The following POU6F2 variants were observed in gnomAD, a reference collection of about 807,000 sequenced individuals.
POU6F2 encodes POU domain, class 6, transcription factor 2.
POU6F2 carries 31 observed loss-of-function variants against 71.3 expected under a neutral mutation model. The ratio of observed to expected loss-of-function variants is 0.43; its 90% confidence interval spans 0.33 to 0.59. The LOEUF (loss-of-function observed/expected upper bound fraction) is 0.59, where lower values mean the gene tolerates loss of function less well. Ranked by LOEUF, POU6F2 falls within the 20% of genes least tolerant of loss-of-function variation. The pLI is 0.04. For missense variants in POU6F2, 783 were observed against 856.8 expected, an observed-to-expected ratio of 0.91 and a Z score of 1.07; for synonymous variants, 347 against 355.7, an observed-to-expected ratio of 0.98 and a Z score of 0.27.
chr7:39,094,962 T>G (rs1397752697), intron 2 of POU6F2, among the ~76,000 whole-genome samples: 1 of 152,240 alleles, frequency 6.6e-6, no homozygotes, highest in East Asian at 1.9e-4. Context: ...TCCCAAAATA[T>G]TGCAAAATAG....
chr7:39,076,860 ATGTTG>A (rs1791013015), intron 1 of POU6F2, among the ~76,000 whole-genome samples: 1 of 111,928 alleles, frequency 8.9e-6, no homozygotes, highest in Non-Finnish European at 1.7e-5. Context: ...AAGGTTGCAA[ATGTTG>A]AGATACACAC....
chr7:39,032,902 T>C (rs1351406022), intron 1 of POU6F2, among the ~76,000 whole-genome samples: 1 of 152,202 alleles, frequency 6.6e-6, no homozygotes, highest in African/African-American at 2.4e-5. Context: ...CTAAATTCTT[T>C]AGCGAGGATT....
rs1462760567 is a variant in POU6F2, at chr7:39,085,890, C to A, written c.136C>A (p.Pro46Thr). The change falls in exon 2 of 10, where the codon CCC becomes ACC. Residue 46 changes from proline (P) to threonine (T), a missense_variant. Coordinates refer to ENST00000518318, the MANE Select transcript of POU6F2 (RefSeq NM_001370959.1). The part of the protein sequence containing the change: ...DPMIAGQVSK[P>T]LLSVRSEMNA... ...AATGATAGCTGGACAAGTCAGTAAG[C>A]CCTTGCTGTCAGTGCGGAGTGAAAT... 6.2e-7 allele frequency: 1 copy of A among 1,613,428 alleles called. No homozygotes were observed. The highest frequency in any genetic ancestry group is 1.3e-5 in the African/African-American group (1 of 74,848).
chr7:39,059,002 G>A (rs1527950), intron 1 of POU6F2, among the ~76,000 whole-genome samples: 34,467 of 151,900 alleles, frequency 0.23, 4,078 homozygotes, highest in South Asian at 0.37. Context: ...CAAAGACTTG[G>A]GAAAATAAAA....
At chr7:39,103,012 A>T (rs981241083) in intron 2 of POU6F2, among the ~76,000 whole-genome samples, 6 of 147,186 alleles carry the variant, frequency 4.1e-5, no homozygotes, top group African/African-American at 1.5e-4. Flanking sequence ...TGTGGTGTAA[A>T]CTGTATATAT....
At chr7:39,391,202 C>A (rs557627723) in intron 5 of POU6F2, among the ~76,000 whole-genome samples, 1 of 152,188 alleles carries the variant, frequency 6.6e-6, no homozygotes, top group African/African-American at 2.4e-5. Context: ...CCTCTGATGA[C>A]TATCTTGGTC....
At chr7:39,070,279 A>G (rs1584527204) in intron 1 of POU6F2, among the ~76,000 whole-genome samples, 1 of 152,206 alleles carries the variant, frequency 6.6e-6, no homozygotes, top group East Asian at 1.9e-4. Flanking sequence ...CCCTAGTTCT[A>G]TGAGAATAAC....
chr7:39,127,936 G>A (rs540536904), intron 2 of POU6F2, among the ~76,000 whole-genome samples: 5 of 143,942 alleles, frequency 3.5e-5, no homozygotes, highest in Admixed American at 3.0e-4. Flanking sequence ...TCTGCCTCCC[G>A]GGTTCACGGC....
At chr7:39,011,175 C>A (rs892036612) in intron 1 of POU6F2, among the ~76,000 whole-genome samples, 9 of 138,776 alleles carry the variant, frequency 6.5e-5, no homozygotes, top group African/African-American at 2.4e-4. Flanking sequence ...CTTTGTAGGT[C>A]ACTCAGGACT....
intron 4 of POU6F2, among the ~76,000 whole-genome samples, chr7:39,232,862 G>T (rs898804737): frequency 1.3e-5 from 2 of 152,154 alleles, no homozygotes; most frequent in East Asian, 3.9e-4. Context: ...TTAAACTAAG[G>T]ACTTGCCCAT....
chr7:38,990,841 T>C (rs1230311192), intron 1 of POU6F2, among the ~76,000 whole-genome samples: 1 of 151,990 alleles, frequency 6.6e-6, no homozygotes, highest in African/African-American at 2.4e-5. Context: ...ATGCGGGAAA[T>C]TGGGTTGAAT....
intron 4 of POU6F2, among the ~76,000 whole-genome samples, chr7:39,250,701 G>A (rs1214074949): frequency 1.3e-5 from 2 of 152,098 alleles, no homozygotes; most frequent in Non-Finnish European, 2.9e-5. Context: ...CTTAGCCACC[G>A]CTACTCTGCT....
intron 1 of POU6F2, among the ~76,000 whole-genome samples, chr7:39,031,765 C>T (rs995276861): frequency 6.6e-6 from 1 of 151,992 alleles, no homozygotes; most frequent in African/African-American, 2.4e-5. Context: ...TCTGTAGTCC[C>T]AGCTACTTGG....
rs976334321 is a variant in POU6F2, at chr7:39,404,431, G to A, written c.973-2169G>A. ...GAATTTTTGATCAACATAGATGTTA[G>A]GGAAATGCCTTGCAATTAATAAAAA... On this transcript the variant is annotated intron_variant, in intron 5 of 9. Coordinates refer to ENST00000518318, the MANE Select transcript of POU6F2 (RefSeq NM_001370959.1). 7.9e-5 allele frequency among the ~76,000 whole-genome samples: 12 copies of A among 152,220 alleles called. 1 individual carries two copies. The South Asian group carries it at 8.3e-4, about 11-fold the overall frequency.
intron 1 of POU6F2, among the ~76,000 whole-genome samples, chr7:39,063,092 A>ATATAAAGG (rs1357630548): frequency 6.6e-6 from 1 of 152,296 alleles, no homozygotes; most frequent in East Asian, 1.9e-4. Context: ...TATTGGACTC[A>ATATAAAGG]TATAAAGGTG....
intron 1 of POU6F2, among the ~76,000 whole-genome samples, chr7:38,986,332 C>A (rs1788463131): frequency 6.6e-6 from 1 of 152,046 alleles, no homozygotes; most frequent in South Asian, 2.1e-4. Flanking sequence ...TAGTACTTTG[C>A]AGCTGTTAAA....
chr7:39,095,316 A>T (rs888071193), intron 2 of POU6F2, among the ~76,000 whole-genome samples: 2 of 152,182 alleles, frequency 1.3e-5, no homozygotes, highest in African/African-American at 4.8e-5. Context: ...TACTTCTCCC[A>T]TTAATTATAT....
intron 6 of POU6F2, 74 bp downstream of exon 6, chr7:39,406,814 A>G: frequency 6.4e-7 from 1 of 1,557,530 alleles, no homozygotes; most frequent in Non-Finnish European, 8.8e-7. Context: ...TTTCTTTTGC[A>G]TGACAGTGAT....
At position 39,207,434 on chromosome 7, in the gene POU6F2, G is replaced by A. The variant is rs1794038537; in HGVS notation, c.412G>A (p.Val138Met). Residue 138 changes from valine to methionine, a missense_variant, in exon 4 of 10, where the codon GTG becomes ATG. Physicochemically the swap from Val to Met is conservative, Grantham distance 21. This residue lies in a region of POU6F2 where 572 missense variants were observed against 572.9 expected (regional missense o/e 1.00). Transcript: ENST00000518318. ...AQQLASAVAG[V>M]MPGGPPALNQ... is the part of the protein sequence containing the mutation. The stretch of plus-strand genomic sequence containing the variant: ...GCAGTTAGCTTCTGCTGTGGCCGGC[G>A]TGATGCCGGGAGGCCCCCCAGCCCT... 3.1e-6 allele frequency: 5 copies of A among 1,613,836 alleles called. No individual in the cohort carries two copies. The highest frequency in any genetic ancestry group is 4.5e-5 in the East Asian group (2 of 44,870).
Sources: allele counts gnomAD v4.1 joint callset (sites outside exome capture counted in the v4.1 genomes callset), GRCh38; gene constraint gnomAD v4.1.1; regional missense constraint gnomAD v4.1.1; transcripts MANE v1.5; gene names NCBI Gene and HGNC (gene_info 2026-07-23, HGNC 2026-07-21).